Variants in SH3GL3 observed in about 807,000 individuals in gnomAD.
SH3GL3 encodes the protein SH3 domain containing GRB2 like 3, endophilin A3.
In SH3GL3, 33 loss-of-function variants were observed where a neutral mutation model predicts 47.7. That is an observed-to-expected ratio of 0.69 (90% CI 0.52 to 0.92). The LOEUF (loss-of-function observed/expected upper bound fraction) is 0.92. SH3GL3 is among the 40% of genes least tolerant of loss of function. SH3GL3 has a pLI of 0.00. For missense variants in SH3GL3, 363 were observed against 417.8 expected (o/e 0.87, Z 1.14); for synonymous variants, 155 against 148.8 (o/e 1.04, Z -0.30).
chr15:83,491,047 T>C (rs1370411750), intron 1 of SH3GL3: 3 of 1,406,046 alleles, frequency 2.1e-6, no homozygotes, highest in East Asian at 2.4e-5. Flanking sequence ...CAAGGAGTGA[T>C]GATTGACAAA....
chr15:83,469,274 G>C (rs1009126819), intron 1 of SH3GL3, among the ~76,000 whole-genome samples: 1 of 151,944 alleles, frequency 6.6e-6, no homozygotes, highest in Non-Finnish European at 1.5e-5. Flanking sequence ...CAAAGAACTA[G>C]CCCTTTGTTT....
rs753057998 is a variant in SH3GL3 at position 83,572,624 on chromosome 15, C to G, written c.391C>G (p.Leu131Val). The stretch of plus-strand genomic sequence containing the variant: ...GCTAATGGCTGAGGTGAAAGACTCT[C>G]TTGATATTAATGTAAAGCAAACTTT... ...MKLMAEVKDS[L>V]DINVKQTFID... The change falls in exon 5 of 9, where the codon CTT becomes GTT. Residue 131 changes from leucine (L) to valine (V), a missense_variant. Physicochemically the swap from Leu to Val is conservative, Grantham distance 32 (BLOSUM62 1). Transcript: ENST00000427482. 1.9e-6 allele frequency: 3 copies of G among 1,610,488 alleles called. No homozygotes were observed. The highest frequency in any genetic ancestry group is 2.5e-6 in the Non-Finnish European group (3 of 1,176,706).
chr15:83,565,355 A>C (rs536010887), intron 3 of SH3GL3, 149 bp downstream of exon 3: 1 of 641,770 alleles, frequency 1.6e-6, no homozygotes, highest in Admixed American at 2.6e-5. Context: ...CCAGTGACCA[A>C]AGGTAGTTGC....
intron 1 of SH3GL3, among the ~76,000 whole-genome samples, chr15:83,496,252 G>A (rs1195052694): frequency 6.6e-6 from 1 of 151,608 alleles, no homozygotes; most frequent in Non-Finnish European, 1.5e-5. Flanking sequence ...TCAGCTACTC[G>A]GGAGGCTGAG....
intron 1 of SH3GL3, among the ~76,000 whole-genome samples, chr15:83,507,015 T>G (rs1381064295): frequency 6.6e-6 from 1 of 150,924 alleles, no homozygotes; most frequent in Non-Finnish European, 1.5e-5. Context: ...TGTGTACGCT[T>G]TTTTTTTTGA....
chr15:83,464,801 C>T (rs2040484971), intron 1 of SH3GL3, among the ~76,000 whole-genome samples: 1 of 152,008 alleles, frequency 6.6e-6, no homozygotes, highest in Non-Finnish European at 1.5e-5. Context: ...ATTGTAGTAG[C>T]CTCCTAACCA....
chr15:83,621,093 G>T (rs1310521972), downstream of SH3GL3, among the ~76,000 whole-genome samples: 1 of 152,174 alleles, frequency 6.6e-6, no homozygotes, highest in Non-Finnish European at 1.5e-5. Context: ...AGGTAATGCA[G>T]CTGGTTGATC....
intron 8 of SH3GL3, among the ~76,000 whole-genome samples, chr15:83,617,224 G>T (rs1468705135): frequency 6.6e-6 from 1 of 152,088 alleles, no homozygotes; most frequent in African/African-American, 2.4e-5. Context: ...GTAAATTCTG[G>T]TCTGTAAATA....
intron 1 of SH3GL3, among the ~76,000 whole-genome samples, chr15:83,495,154 G>A (rs1338545999): frequency 6.6e-6 from 1 of 152,092 alleles, no homozygotes; most frequent in East Asian, 1.9e-4. Flanking sequence ...CTCATCTGTG[G>A]TATATAATCC....
At chr15:83,506,547 T>A (rs1443136247) in intron 1 of SH3GL3, among the ~76,000 whole-genome samples, 1 of 152,216 alleles carries the variant, frequency 6.6e-6, no homozygotes, top group Non-Finnish European at 1.5e-5. Context: ...ATTTTTTACA[T>A]TTTTGTTTTC....
chr15:83,624,880 A>G, the SH3GL3 span, among the ~76,000 whole-genome samples: 1 of 152,104 alleles, frequency 6.6e-6, no homozygotes, highest in South Asian at 2.1e-4. Flanking sequence ...ACTTGGAGTG[A>G]TTCAGGCCCG....
intron 1 of SH3GL3, among the ~76,000 whole-genome samples, chr15:83,465,216 A>G (rs903106887): frequency 6.6e-6 from 1 of 152,046 alleles, no homozygotes; most frequent in Non-Finnish European, 1.5e-5. Context: ...AGGCTGAGGT[A>G]GGAGACTGTC....
intron 1 of SH3GL3, among the ~76,000 whole-genome samples, chr15:83,524,917 T>C (rs1321228439): frequency 6.6e-6 from 1 of 152,202 alleles, no homozygotes; most frequent in Non-Finnish European, 1.5e-5. Context: ...TATTTGTTGA[T>C]GAACACATGA....
downstream of SH3GL3, among the ~76,000 whole-genome samples, chr15:83,620,808 T>A (rs1392515724): frequency 6.6e-6 from 1 of 152,244 alleles, no homozygotes; most frequent in African/African-American, 2.4e-5. Flanking sequence ...AAGCCAGAGA[T>A]TGACTTCTCT....
At chr15:83,563,889 C>T (rs1484960154) in intron 2 of SH3GL3, among the ~76,000 whole-genome samples, 2 of 152,328 alleles carry the variant, frequency 1.3e-5, no homozygotes, top group East Asian at 1.9e-4. Flanking sequence ...CCACCTGCCT[C>T]AGCCTCCCAG....
intron 1 of SH3GL3, among the ~76,000 whole-genome samples, chr15:83,533,636 G>T (rs1308552178): frequency 6.6e-6 from 1 of 152,184 alleles, no homozygotes; most frequent in African/African-American, 2.4e-5. Context: ...CCCCAGCTAG[G>T]GTTGGCCTCG....
chr15:83,533,624 C>G (rs538121128), intron 1 of SH3GL3, among the ~76,000 whole-genome samples: 1 of 152,316 alleles, frequency 6.6e-6, no homozygotes, highest in African/African-American at 2.4e-5. Flanking sequence ...TTTTCTCCCC[C>G]TCCCCAGCTA....
chr15:83,570,175 A>G (rs1041801914), intron 4 of SH3GL3, among the ~76,000 whole-genome samples: 6 of 152,078 alleles, frequency 3.9e-5, no homozygotes, highest in Admixed American at 1.3e-4. Flanking sequence ...AAGCTCCTGC[A>G]TTTATTGGAG....
At chr15:83,480,107 T>A (rs1393374173) in intron 1 of SH3GL3, among the ~76,000 whole-genome samples, 1 of 152,232 alleles carries the variant, frequency 6.6e-6, no homozygotes, top group Admixed American at 6.5e-5. Context: ...ATTAGTTGTT[T>A]CTTTGGGCAT....
Sources: allele counts gnomAD v4.1 joint callset (sites outside exome capture counted in the v4.1 genomes callset), GRCh38; gene constraint gnomAD v4.1.1; transcripts MANE v1.5; gene names NCBI Gene and HGNC (gene_info 2026-07-23, HGNC 2026-07-21).